SLC24A2: variants seen among roughly 807,000 people sequenced by gnomAD.
SLC24A2 encodes the protein solute carrier family 24 member 2.
A neutral mutation model predicts 62.0 loss-of-function variants in SLC24A2; 36 were observed. The ratio of observed to expected loss-of-function variants is 0.58; its 90% CI spans 0.44 to 0.77. The LOEUF (loss-of-function observed/expected upper bound fraction) is 0.77, where lower values mean the gene tolerates loss of function less well. Among genes scored for constraint, SLC24A2 ranks in the 30% least tolerant of loss-of-function variants. The probability of loss-of-function intolerance (pLI) is 0.00; values close to 1 mark genes in which losing one functional copy is unlikely to be tolerated. For missense variants in SLC24A2, 846 were observed against 817.9 expected (o/e 1.03, Z -0.42); for synonymous variants, 358 against 294.0 (o/e 1.22, Z -2.23).
At chr9:19,913,214 A>G in the SLC24A2 span, among the ~76,000 whole-genome samples, 2 of 152,126 alleles carry the variant, frequency 1.3e-5, no homozygotes, top group African/African-American at 2.4e-5. Flanking sequence ...TTTCCAAAAT[A>G]TAGGCCCCAT....
At chr9:20,172,405 C>T in the SLC24A2 span, among the ~76,000 whole-genome samples, 7 of 151,926 alleles carry the variant, frequency 4.6e-5, no homozygotes, top group East Asian at 5.8e-4. Flanking sequence ...ACAAATAAAA[C>T]AAAAAGCTAG....
chr9:19,856,534 G>A, the SLC24A2 span, among the ~76,000 whole-genome samples: 1 of 152,048 alleles, frequency 6.6e-6, no homozygotes, highest in African/African-American at 2.4e-5. Flanking sequence ...TAACAGGTAA[G>A]ACCCTCTTCC....
chr9:19,769,268 T>G (rs1414538312), intron 2 of SLC24A2, among the ~76,000 whole-genome samples: 1 of 152,176 alleles, frequency 6.6e-6, no homozygotes, highest in East Asian at 1.9e-4. Flanking sequence ...CAAATGTCGT[T>G]AGCTCTACCT....
At chr9:20,059,155 G>A in the SLC24A2 span, among the ~76,000 whole-genome samples, 1 of 152,304 alleles carries the variant, frequency 6.6e-6, no homozygotes, top group South Asian at 2.1e-4. Flanking sequence ...ATGTGATTAA[G>A]AATTCCAAGA....
At chr9:19,975,554 AC>A in the SLC24A2 span, among the ~76,000 whole-genome samples, 2 of 152,236 alleles carry the variant, frequency 1.3e-5, no homozygotes, top group Non-Finnish European at 2.9e-5. Flanking sequence ...CAAAAGGAAG[AC>A]AAAAATATTC....
chr9:19,734,955 G>A (rs1455059103), intron 2 of SLC24A2, among the ~76,000 whole-genome samples: 1 of 151,996 alleles, frequency 6.6e-6, no homozygotes, highest in Non-Finnish European at 1.5e-5. Flanking sequence ...CATGGGCAAG[G>A]ACTTCATGTC....
intron 2 of SLC24A2, among the ~76,000 whole-genome samples, chr9:19,718,976 G>A (rs1820946453): frequency 6.6e-6 from 1 of 152,128 alleles, no homozygotes; most frequent in Admixed American, 6.5e-5. Context: ...AAGAATCCAG[G>A]TGCAATAAGC....
chr9:19,771,741 A>T (rs1213407055), intron 2 of SLC24A2, among the ~76,000 whole-genome samples: 2 of 152,186 alleles, frequency 1.3e-5, no homozygotes. Context: ...TGCCCTCGGA[A>T]TGTGCACATT....
intron 5 of SLC24A2, among the ~76,000 whole-genome samples, chr9:19,587,188 C>A (rs1296222901): frequency 1.3e-5 from 2 of 152,010 alleles, no homozygotes; most frequent in Non-Finnish European, 2.9e-5. Flanking sequence ...AGTAGGTGCT[C>A]AAGAAATAGG....
rs1383913179 is a variant in SLC24A2 at position 19,513,650 on chromosome 9, G to A, written c.*2503C>T. On this transcript the variant is annotated 3_prime_UTR_variant, in exon 11 of 11. Coordinates refer to ENST00000341998, the MANE Select transcript of SLC24A2 (RefSeq NM_020344.4). ...GGGAGGGAGTGAGGAGGCAGAGGGA[G>A]GATCAGGAATAAGAAGAGGGCGGCA... is the stretch of plus-strand genomic sequence containing the variant. 1 of 152,174 alleles carries A rather than the reference G, an allele frequency of 6.6e-6. No individual in the cohort carries two copies. Among genetic ancestry groups the A allele is most frequent in the Non-Finnish European group, 1.5e-5 (1 of 68,068 alleles). 9.4% of individuals were successfully genotyped at this position (152,174 alleles called of 1,614,324 possible).
the SLC24A2 span, among the ~76,000 whole-genome samples, chr9:20,139,690 A>G: frequency 6.6e-6 from 1 of 152,170 alleles, no homozygotes; most frequent in Non-Finnish European, 1.5e-5. Flanking sequence ...ACTTTTATCA[A>G]ATGATAACAA....
At chr9:19,524,969 G>GATT (rs1304611128) in intron 9 of SLC24A2, among the ~76,000 whole-genome samples, 8 of 152,124 alleles carry the variant, frequency 5.3e-5, no homozygotes, top group Non-Finnish European at 1.0e-4. Flanking sequence ...AATAGAAGAT[G>GATT]ATTATTAAGA....
chr9:19,850,992 TATATATATACAC>T, the SLC24A2 span, among the ~76,000 whole-genome samples: 16 of 47,528 alleles, frequency 3.4e-4, no homozygotes, highest in African/African-American at 7.9e-4. Context: ...TATGTATATA[TATATATATACAC>T]ATACATATAT....
intron 2 of SLC24A2, among the ~76,000 whole-genome samples, chr9:19,732,675 T>C (rs1039656174): frequency 1.3e-5 from 2 of 152,174 alleles, no homozygotes; most frequent in African/African-American, 4.8e-5. Context: ...GTGTCTGTGC[T>C]GGTTCTCCCT....
the SLC24A2 span, among the ~76,000 whole-genome samples, chr9:19,805,420 C>T: frequency 6.6e-6 from 1 of 152,102 alleles, no homozygotes; most frequent in African/African-American, 2.4e-5. Context: ...ATTTACCCAA[C>T]AATGATATTA....
At chr9:19,908,110 C>T in the SLC24A2 span, among the ~76,000 whole-genome samples, 6 of 152,204 alleles carry the variant, frequency 3.9e-5, no homozygotes, top group African/African-American at 1.4e-4. Flanking sequence ...GTCACCAAAA[C>T]AGCATGGTAC....
intron 2 of SLC24A2, among the ~76,000 whole-genome samples, chr9:19,633,622 G>A (rs1818231905): frequency 1.3e-5 from 2 of 152,134 alleles, no homozygotes; most frequent in South Asian, 4.1e-4. Flanking sequence ...TCCCACCTGG[G>A]CCTCCCAAAT....
intron 7 of SLC24A2, among the ~76,000 whole-genome samples, chr9:19,560,393 T>A (rs1346595933): frequency 6.7e-6 from 1 of 149,224 alleles, no homozygotes; most frequent in Non-Finnish European, 1.5e-5. Flanking sequence ...TAAGGTTAAA[T>A]GAGGTAATAA....
At chr9:20,194,031 A>C in the SLC24A2 span, among the ~76,000 whole-genome samples, 1 of 152,156 alleles carries the variant, frequency 6.6e-6, no homozygotes, top group Non-Finnish European at 1.5e-5. Flanking sequence ...AAAATTTAAC[A>C]CATGGTTAAA....
Sources: allele counts gnomAD v4.1 joint callset (sites outside exome capture counted in the v4.1 genomes callset), GRCh38; gene constraint gnomAD v4.1.1; transcripts MANE v1.5; gene names NCBI Gene and HGNC (gene_info 2026-07-23, HGNC 2026-07-21).